The following CNTNAP2 variants were observed in gnomAD, a reference collection of about 807,000 sequenced individuals.
CNTNAP2 encodes contactin-associated protein-like 2.
A neutral mutation model predicts 155.2 loss-of-function variants in CNTNAP2; 98 were observed. The ratio of observed to expected loss-of-function variants is 0.63; its 90% confidence interval spans 0.54 to 0.75. The LOEUF (loss-of-function observed/expected upper bound fraction) is 0.75. Ranked by LOEUF, CNTNAP2 falls within the 30% of genes least tolerant of loss-of-function variation. The pLI, the probability that CNTNAP2 is intolerant of heterozygous loss-of-function variation, is 0.00. For missense variants in CNTNAP2, 1,727 were observed against 1,688.1 expected (o/e 1.02, Z -0.40); for synonymous variants, 651 against 631.2 (o/e 1.03, Z -0.47).
At chr7:148,204,778 C>A (rs918248237) in intron 18 of CNTNAP2, among the ~76,000 whole-genome samples, 1 of 152,174 alleles carries the variant, frequency 6.6e-6, no homozygotes, top group Non-Finnish European at 1.5e-5. Context: ...TTTGCACAAT[C>A]GTCGCCTAGA....
intron 13 of CNTNAP2, among the ~76,000 whole-genome samples, chr7:147,778,221 C>T (rs950215422): frequency 1.3e-5 from 2 of 152,156 alleles, no homozygotes; most frequent in Admixed American, 6.5e-5. Context: ...ATATTTATTG[C>T]TTTATCCACT....
At chr7:148,365,633 C>G (rs897848277) in intron 21 of CNTNAP2, among the ~76,000 whole-genome samples, 6 of 151,948 alleles carry the variant, frequency 3.9e-5, no homozygotes, top group Non-Finnish European at 7.4e-5. Context: ...CCATTGTACT[C>G]CAGCCTGGGC....
chr7:146,717,458 G>A (rs1269454164), intron 1 of CNTNAP2, among the ~76,000 whole-genome samples: 1 of 151,934 alleles, frequency 6.6e-6, no homozygotes, highest in African/African-American at 2.4e-5. Context: ...AGGTTGCAGT[G>A]AGCCAAGATC....
chr7:147,454,122 T>C (rs1797880407), intron 10 of CNTNAP2, among the ~76,000 whole-genome samples: 1 of 152,208 alleles, frequency 6.6e-6, no homozygotes, highest in South Asian at 2.1e-4. Context: ...ATATATTAAT[T>C]CAATAAATGT....
chr7:146,295,815 C>T (rs1430422292), intron 1 of CNTNAP2, among the ~76,000 whole-genome samples: 2 of 150,090 alleles, frequency 1.3e-5, no homozygotes, highest in East Asian at 3.9e-4. Context: ...ATTTTCACCT[C>T]GTAAACTTTA....
chr7:147,124,014 C>G (rs954546047), intron 6 of CNTNAP2, among the ~76,000 whole-genome samples: 45 of 152,178 alleles, frequency 3.0e-4, no homozygotes, highest in Admixed American at 5.2e-4. Context: ...TGCACTCCAG[C>G]TTGGGCAAAA....
At chr7:147,109,076 G>A (rs949411824) in intron 5 of CNTNAP2, among the ~76,000 whole-genome samples, 79 of 152,292 alleles carry the variant, frequency 5.2e-4, no homozygotes, top group African/African-American at 1.8e-3. Context: ...GGAAGCTGTT[G>A]GAAGTCATTA....
chr7:146,980,574 A>C (rs993353625), intron 3 of CNTNAP2, among the ~76,000 whole-genome samples: 1 of 152,130 alleles, frequency 6.6e-6, no homozygotes, highest in Non-Finnish European at 1.5e-5. Flanking sequence ...TGTGGTACAA[A>C]CATCTGTTTC....
intron 1 of CNTNAP2, among the ~76,000 whole-genome samples, chr7:146,426,147 C>A (rs1036271050): frequency 7.3e-6 from 1 of 136,802 alleles, no homozygotes. Flanking sequence ...GATCGCGCCA[C>A]TGCACTCCAG....
At chr7:148,007,178 C>A (rs1450880966) in intron 15 of CNTNAP2, among the ~76,000 whole-genome samples, 2 of 152,102 alleles carry the variant, frequency 1.3e-5, no homozygotes, top group African/African-American at 4.8e-5. Context: ...GAAAATTGTG[C>A]CTTGTCTTTT....
intron 12 of CNTNAP2, among the ~76,000 whole-genome samples, chr7:147,593,484 C>T (rs1009380402): frequency 2.0e-5 from 3 of 151,854 alleles, no homozygotes; most frequent in African/African-American, 7.3e-5. Context: ...GTTAAAAAGA[C>T]TTGGGTTCTG....
At chr7:147,697,548 T>C (rs1160000873) in intron 13 of CNTNAP2, among the ~76,000 whole-genome samples, 1 of 152,172 alleles carries the variant, frequency 6.6e-6, no homozygotes, top group Non-Finnish European at 1.5e-5. Flanking sequence ...TTTTTTTGCC[T>C]TTATTAATAT....
intron 13 of CNTNAP2, among the ~76,000 whole-genome samples, chr7:147,709,043 A>C (rs905784791): frequency 6.6e-6 from 1 of 152,160 alleles, no homozygotes; most frequent in Non-Finnish European, 1.5e-5. Context: ...TCCTCGTTCA[A>C]AAAACGACCC....
intron 1 of CNTNAP2, among the ~76,000 whole-genome samples, chr7:146,402,014 T>C (rs1014275806): frequency 6.6e-6 from 1 of 152,184 alleles, no homozygotes; most frequent in Non-Finnish European, 1.5e-5. Flanking sequence ...TATTTTCAAC[T>C]AAGGGCATGA....
chr7:147,218,915 A>G (rs191391348), intron 8 of CNTNAP2, among the ~76,000 whole-genome samples: 404 of 152,308 alleles, frequency 2.7e-3, no homozygotes, highest in African/African-American at 9.1e-3. Flanking sequence ...CTTGTTAGGC[A>G]CATACATGTT....
chr7:148,186,985 C>G (rs1480704349), intron 18 of CNTNAP2, among the ~76,000 whole-genome samples: 5 of 152,102 alleles, frequency 3.3e-5, no homozygotes, highest in African/African-American at 9.7e-5. Context: ...CCTGTGTGTC[C>G]TCTTTCTATC....
At chr7:148,054,216 C>T (rs1195443175) in intron 15 of CNTNAP2, among the ~76,000 whole-genome samples, 1 of 152,178 alleles carries the variant, frequency 6.6e-6, no homozygotes, top group African/African-American at 2.4e-5. Context: ...TCGTGATCCA[C>T]CCGCCTCGGC....
intron 3 of CNTNAP2, among the ~76,000 whole-genome samples, chr7:146,875,667 CT>C (rs1191192719): frequency 7.3e-6 from 1 of 137,586 alleles, no homozygotes; most frequent in East Asian, 2.1e-4. Flanking sequence ...AGGCAGTTTG[CT>C]TTTGGCGGGG....
At chr7:146,645,609 T>C (rs992946808) in intron 1 of CNTNAP2, among the ~76,000 whole-genome samples, 2 of 152,216 alleles carry the variant, frequency 1.3e-5, no homozygotes, top group Non-Finnish European at 2.9e-5. Context: ...ATCTAATGAC[T>C]GCATAACTGT....
Sources: allele counts gnomAD v4.1 joint callset (sites outside exome capture counted in the v4.1 genomes callset), GRCh38; gene constraint gnomAD v4.1.1; transcripts MANE v1.5; gene names NCBI Gene and HGNC (gene_info 2026-07-23, HGNC 2026-07-21).